Variants in DMBT1 observed in about 807,000 individuals in gnomAD.
DMBT1 encodes deleted in malignant brain tumors 1.
A neutral mutation model predicts 252.9 loss-of-function variants in DMBT1; 198 were observed. The observed-to-expected ratio is 0.78, with a 90% CI of 0.70 to 0.88. The LOEUF (loss-of-function observed/expected upper bound fraction) is 0.88. Among genes scored for constraint, DMBT1 ranks in the 40% least tolerant of loss-of-function variants. DMBT1 has a pLI of 0.00. For synonymous variants in DMBT1, 990 were observed against 942.7 expected (o/e 1.05, Z -0.92); for missense variants, 2,432 against 2,404.7 (o/e 1.01, Z -0.24).
Position 122,592,360 on chromosome 10 carries a change from C to T in DMBT1, c.2265C>T (p.Gly755=). ...RVEVLYRGSW[G]TVCDDSWDTN... ...AGGTCCTATACCGAGGCTCCTGGGG[C>T]ACCGTGTGTGATGACAGCTGGGATA... The change falls in exon 20 of 56, where the codon GGC becomes GGT. Residue 755 remains glycine (G), a synonymous_variant. Transcript: ENST00000338354. 6.3e-7 allele frequency: 1 copy of T among 1,588,376 alleles called. No homozygotes were observed. The highest frequency in any genetic ancestry group is 8.6e-7 in the Non-Finnish European group (1 of 1,165,810).
Position 122,632,881 on chromosome 10 carries a change from C to T in DMBT1, c.6388C>T (p.Arg2130Cys), listed in dbSNP as rs189464773. 7.4e-6 allele frequency: 12 copies of T among 1,613,884 alleles called. No individual in the cohort carries two copies. Among genetic ancestry groups the T allele is most frequent in the Admixed American group, 3.3e-5 (2 of 60,008 alleles). The part of the protein sequence containing the change: ...STPAPFLNIT[R>C]PNTDYSCGGF... ...AACAGCTCCTTTTCTCAACATCACC[C>T]GTCCAAACAGTAAGTTCTGAGCTCC... Residue 2130 changes from arginine (R) to cysteine (C), a missense_variant, in exon 51 of 56, where the codon CGT becomes TGT. Transcript: ENST00000338354.
chr10:122,600,994 C>T lies in DMBT1; in HGVS notation c.3314C>T (p.Thr1105Ile), dbSNP rs2097949216. Residue 1105 changes from threonine to isoleucine, a missense_variant, in exon 28 of 56, where the codon ACT (threonine) becomes ATT (isoleucine). Transcript: ENST00000338354. ...SQSRPTPSPD[T>I]WPTSHASTAG... ...TTTCCTTTGTTGCAATTTACAGACA[C>T]TTGGCCAACCTCACATGCATCAACA... is the stretch of plus-strand genomic sequence containing the variant. The T allele has an allele frequency of 2.1e-6, 2 of 948,474 alleles. No homozygotes were observed. The highest frequency in any genetic ancestry group is 3.4e-6 in the Non-Finnish European group (2 of 594,734). The allele number at this position is 948,474 out of a possible 1,614,324, so 58.8% of individuals were successfully genotyped here. A position where few individuals can be genotyped will look rare whatever the true frequency, so the allele number is the denominator to read the frequency against.
At chr10:122,617,920 G>A in intron 40 of DMBT1, 97 bp from the exon 41 acceptor site, 1 of 1,563,202 alleles carries the variant, frequency 6.4e-7, no homozygotes, top group Non-Finnish European at 8.7e-7. Context: ...TTGCCCAGGT[G>A]ACTCTGGCCA....
At chr10:122,574,688 T>C (rs2097696427) in intron 6 of DMBT1, among the ~76,000 whole-genome samples, 1 of 152,188 alleles carries the variant, frequency 6.6e-6, no homozygotes, top group Non-Finnish European at 1.5e-5. Flanking sequence ...GGAGAATCTG[T>C]TCCTTCCTCT....
chr10:122,633,163 C>T (rs774317594), intron 51 of DMBT1, 28 bp from the exon 52 acceptor site: 3 of 1,612,358 alleles, frequency 1.9e-6, no homozygotes, highest in Admixed American at 3.3e-5. Flanking sequence ...CTGGGGGTCA[C>T]CGACATTCCC....
At chr10:122,578,490 C>T (rs552225589) in intron 8 of DMBT1, among the ~76,000 whole-genome samples, 56 of 152,170 alleles carry the variant, frequency 3.7e-4, no homozygotes, top group African/African-American at 1.2e-3. Context: ...TTCCTAACTG[C>T]GAATAGGTCA....
intron 52 of DMBT1, 145 bp from the exon 53 acceptor site, chr10:122,635,846 G>C (rs952854816): frequency 8.2e-5 from 67 of 815,226 alleles, no homozygotes; most frequent in Non-Finnish European, 1.2e-4. Context: ...GTGAGCTACT[G>C]CGCCCAGCCA....
chr10:122,580,536 G>A (rs1002826395), intron 10 of DMBT1, among the ~76,000 whole-genome samples: 53 of 152,004 alleles, frequency 3.5e-4, no homozygotes, highest in African/African-American at 9.9e-4. Flanking sequence ...CTTGAAGATC[G>A]CACAAGGGAT....
At position 122,630,076 on chromosome 10, in the gene DMBT1, G is replaced by A; in HGVS notation, c.5822+83G>A. The A allele has an allele frequency of 1.9e-6, 3 of 1,565,192 alleles. No individual in the cohort carries two copies. The Admixed American group carries it at 5.2e-5, about 27-fold the overall frequency. On this transcript the variant is annotated intron_variant, in intron 47 of 55. Coordinates refer to ENST00000338354, the MANE Select transcript of DMBT1 (RefSeq NM_001377530.1). ...TTTAGACTGTGTCCTGGGCTGGGATGCTTTTCACTCTCATGTGCCATGGAC... is the reference window on the plus strand; with the variant it reads ...TTTAGACTGTGTCCTGGGCTGGGATACTTTTCACTCTCATGTGCCATGGAC...
At chr10:122,632,033 G>A (rs937686764) in intron 50 of DMBT1, among the ~76,000 whole-genome samples, 158 bp downstream of exon 50, 12 of 152,028 alleles carry the variant, frequency 7.9e-5, no homozygotes, top group African/African-American at 2.9e-4. Flanking sequence ...CACCAGGATA[G>A]TGTGCCCCTC....
At chr10:122,567,566 T>A (rs1231817508) in intron 2 of DMBT1, among the ~76,000 whole-genome samples, 1 of 152,142 alleles carries the variant, frequency 6.6e-6, no homozygotes, top group Non-Finnish European at 1.5e-5. Flanking sequence ...CACAAGTTTC[T>A]CATAATCTCA....
rs558937415 is a variant in DMBT1 at position 122,588,877 on chromosome 10, T to C, written c.1784-67T>C. 9 of 1,579,412 alleles carry C rather than the reference T, an allele frequency of 5.7e-6. 2 individuals are homozygous for C. The Admixed American group carries it at 1.5e-4, about 27-fold the overall frequency. ...TGGCCATTAGGAAGTGCCCTGAGTG[T>C]GGAATGTGCCTTAGATCCTTGACCT... is the stretch of plus-strand genomic sequence containing the variant. On this transcript the variant is annotated intron_variant, in intron 16 of 55. Transcript: ENST00000338354.
chr10:122,618,461 C>G (rs1428922581), intron 41 of DMBT1, 121 bp downstream of exon 41: 5 of 1,521,992 alleles, frequency 3.3e-6, no homozygotes, highest in Non-Finnish European at 4.4e-6. Flanking sequence ...TTTCTGAAGT[C>G]TTGTTAGCTC....
chr10:122,631,075 A>G lies in DMBT1; in HGVS notation c.6140A>G (p.Gln2047Arg), dbSNP rs754403299. 48 of 1,613,888 alleles carry G rather than the reference A, an allele frequency of 3.0e-5. No homozygotes were observed. Among genetic ancestry groups the G allele is most frequent in the Non-Finnish European group, 4.0e-5 (47 of 1,179,902 alleles). ...GTVCDDSWTI[Q>R]EAEVVCRQLG... ...GTTTGTGATGACTCCTGGACCATTC[A>G]GGAAGCTGAGGTGGTCTGCAGACAG... The change falls in exon 49 of 56, where the codon CAG (glutamine) becomes CGG (arginine). Residue 2047 changes from glutamine to arginine, a missense_variant. By Grantham distance (43) the Gln-to-Arg change is conservative. Coordinates refer to ENST00000338354, the MANE Select transcript of DMBT1 (RefSeq NM_001377530.1).
At chr10:122,566,032 G>A (rs373736497) in intron 2 of DMBT1, 36 bp downstream of exon 2, 1 of 1,611,902 alleles carries the variant, frequency 6.2e-7, no homozygotes, top group Non-Finnish European at 8.5e-7. Flanking sequence ...CCCTGGTGGG[G>A]TTGGCCAGTT....
At chr10:122,635,959 A>G (rs1292956975) in intron 52 of DMBT1, 32 bp from the exon 53 acceptor site, 3 of 1,611,214 alleles carry the variant, frequency 1.9e-6, no homozygotes, top group Middle Eastern at 1.8e-4. Flanking sequence ...CTGGGAGGAA[A>G]TGAAGCCAAA....
chr10:122,594,446 CT>C, intron 21 of DMBT1, 49 bp from the exon 22 acceptor site: 5 of 359,988 alleles, frequency 1.4e-5, no homozygotes, highest in East Asian at 4.7e-5. Context: ...TGTTCTGTGC[CT>C]TTTCCCTTCA....
In DMBT1 at chr10:122,560,762, C is replaced by T. The variant is rs368735301; in HGVS notation, c.-9C>T. The T allele has an allele frequency of 6.4e-7, 1 of 1,564,250 alleles. No individual in the cohort carries two copies. The highest frequency in any genetic ancestry group is 1.2e-5 in the South Asian group (1 of 84,868). ...GGATTTTCTATTCAATTGAGAAGAA[C>T]CCAGCAAAATGGGGATCTCCACAGT... On this transcript the variant is annotated 5_prime_UTR_variant, in exon 1 of 56. Transcript: ENST00000338354.
At chr10:122,637,434 G>T (rs556652331) in intron 54 of DMBT1, 122 bp downstream of exon 54, 2 of 1,138,368 alleles carry the variant, frequency 1.8e-6, no homozygotes, top group Non-Finnish European at 2.4e-6. Context: ...GGACATAATT[G>T]GAATAAAGGA....
Sources: gnomAD v4.1 joint callset for allele counts (sites outside exome capture counted in the v4.1 genomes callset) on GRCh38, gnomAD v4.1.1 for gene constraint, MANE v1.5 for transcripts, NCBI Gene and HGNC (gene_info 2026-07-23, HGNC 2026-07-21) for gene names.